Variants in WDR27 observed in about 807,000 individuals in gnomAD.
WDR27 encodes the protein WD repeat domain 27.
Under a neutral mutation model 114.4 loss-of-function variants are expected in WDR27, and 100 were observed. The ratio of observed to expected loss-of-function variants is 0.87; its 90% CI spans 0.74 to 1.03. WDR27 has a LOEUF of 1.03. Among genes scored for constraint, WDR27 ranks in the 50% least tolerant of loss-of-function variants. The pLI is 0.00. For missense variants in WDR27, 1,129 were observed against 1,092.9 expected (o/e 1.03, Z -0.47); for synonymous variants, 449 against 423.1 (o/e 1.06, Z -0.75).
At chr6:169,575,939 G>A (rs779779709) in intron 24 of WDR27, among the ~76,000 whole-genome samples, 6 of 152,156 alleles carry the variant, frequency 3.9e-5, no homozygotes, top group Non-Finnish European at 8.8e-5. Flanking sequence ...TCAAATAAAT[G>A]TTTTCCTGCA....
At chr6:169,579,224 T>G (rs1034188168) in intron 24 of WDR27, among the ~76,000 whole-genome samples, 3 of 152,210 alleles carry the variant, frequency 2.0e-5, no homozygotes, top group Non-Finnish European at 2.9e-5. Context: ...AAGTCATAGA[T>G]GAAAGGTCTG....
intron 21 of WDR27, among the ~76,000 whole-genome samples, chr6:169,618,202 AATC>A (rs533193899): frequency 6.6e-6 from 1 of 152,354 alleles, no homozygotes; most frequent in African/African-American, 2.4e-5. Context: ...TGAAATCTAG[AATC>A]ATATGTAATA....
chr6:169,693,281 A>C (rs1235791755), intron 1 of WDR27, among the ~76,000 whole-genome samples: 2 of 152,252 alleles, frequency 1.3e-5, no homozygotes, highest in East Asian at 3.8e-4. Context: ...CTTTTTAGAC[A>C]AATGCTGAGA....
chr6:169,444,669 GTTTT>G, the WDR27 span, among the ~76,000 whole-genome samples: 11 of 138,808 alleles, frequency 7.9e-5, no homozygotes, highest in African/African-American at 1.3e-4. Flanking sequence ...CTGTTTTTTT[GTTTT>G]TTTTTTTTTC....
In WDR27 at chr6:169,652,110, A is replaced by C. The variant is rs191003961; in HGVS notation, c.1403-102T>G. ...CTCTTCAAAACAGAAACATTCACAC[A>C]AACAGAATGAATTCCTGACCATAAA... On this transcript the variant is annotated intron_variant, in intron 13 of 25. Transcript: ENST00000448612. 1.0e-5 allele frequency: 10 copies of C among 981,874 alleles called. No homozygotes were observed. The Admixed American group carries it at 1.8e-4, about 18-fold the overall frequency. 60.8% of individuals were successfully genotyped at this position (981,874 alleles called of 1,614,324 possible).
intron 19 of WDR27, among the ~76,000 whole-genome samples, chr6:169,635,963 T>G (rs1010302278): frequency 2.0e-5 from 3 of 152,188 alleles, no homozygotes; most frequent in Admixed American, 6.6e-5. Context: ...AAAACAAAGA[T>G]AGTGAAATGT....
At chr6:169,445,178 T>C in the WDR27 span, among the ~76,000 whole-genome samples, 1 of 152,230 alleles carries the variant, frequency 6.6e-6, no homozygotes, top group Non-Finnish European at 1.5e-5. Flanking sequence ...ATAAGAATTG[T>C]CACACGTGCA....
At chr6:169,605,857 A>G (rs1809059350) in intron 22 of WDR27, among the ~76,000 whole-genome samples, 1 of 152,214 alleles carries the variant, frequency 6.6e-6, no homozygotes, top group African/African-American at 2.4e-5. Context: ...ACAATGGGGA[A>G]AGGACACCCT....
chr6:169,654,134 A>T (rs1823367850), intron 13 of WDR27, among the ~76,000 whole-genome samples: 1 of 152,168 alleles, frequency 6.6e-6, no homozygotes, highest in South Asian at 2.1e-4. Context: ...TTGATGCAAA[A>T]CTCCTCAATA....
intron 21 of WDR27, among the ~76,000 whole-genome samples, chr6:169,621,921 C>T (rs951841942): frequency 6.6e-5 from 10 of 152,166 alleles, no homozygotes; most frequent in African/African-American, 2.4e-4. Context: ...CATATACACA[C>T]TGTGAAAGGA....
At position 169,621,524 on chromosome 6, in the gene WDR27, A is replaced by G. The variant is rs544994548; in HGVS notation, c.2224-7868T>C. ...CCCACACATGCATTCACACATATAC[A>G]TACACACACACGCACGCATATACAT... On this transcript the variant is annotated intron_variant, in intron 21 of 25. Coordinates refer to ENST00000448612, the MANE Select transcript of WDR27 (RefSeq NM_182552.5). Among the ~76,000 whole-genome samples, 11 of 149,414 alleles carry G rather than the reference A, an allele frequency of 7.4e-5. No individual in the cohort carries two copies. In the South Asian group the frequency reaches 2.3e-3, roughly 31 times the overall value.
intron 25 of WDR27, among the ~76,000 whole-genome samples, chr6:169,531,889 C>T (rs755351739): frequency 2.6e-5 from 4 of 152,052 alleles, no homozygotes; most frequent in African/African-American, 9.7e-5. Context: ...CCTCGTGATC[C>T]GCCTGTCTCG....
chr6:169,536,002 C>G (rs1796156148), intron 25 of WDR27, among the ~76,000 whole-genome samples: 1 of 152,172 alleles, frequency 6.6e-6, no homozygotes, highest in Non-Finnish European at 1.5e-5. Flanking sequence ...TAACTACACA[C>G]AAGGCTGAGA....
chr6:169,449,506 G>C, the WDR27 span, among the ~76,000 whole-genome samples: 2 of 152,134 alleles, frequency 1.3e-5, no homozygotes, highest in Non-Finnish European at 2.9e-5. Context: ...TAGGCAAGCA[G>C]AGGGCCTTAG....
At chr6:169,694,360 T>A (rs886899655) in intron 1 of WDR27, among the ~76,000 whole-genome samples, 4 of 152,122 alleles carry the variant, frequency 2.6e-5, no homozygotes, top group Admixed American at 2.6e-4. Context: ...CACAGAAACA[T>A]TTCCACATAC....
intron 23 of WDR27, among the ~76,000 whole-genome samples, chr6:169,595,615 T>C (rs539806311): frequency 7.9e-5 from 12 of 152,318 alleles, no homozygotes; most frequent in Non-Finnish European, 1.3e-4. Context: ...TTTCTAGTTA[T>C]ATTCTCACAT....
intron 25 of WDR27, among the ~76,000 whole-genome samples, chr6:169,536,089 C>T (rs1362437715): frequency 6.6e-6 from 1 of 152,134 alleles, no homozygotes; most frequent in Non-Finnish European, 1.5e-5. Context: ...TTAAATTATC[C>T]TCTGTGCCAA....
intron 25 of WDR27, among the ~76,000 whole-genome samples, chr6:169,557,080 C>G (rs1799003095): frequency 6.6e-6 from 1 of 152,150 alleles, no homozygotes; most frequent in Admixed American, 6.5e-5. Context: ...TGTGTTCACA[C>G]AAACAGCTGT....
chr6:169,630,612 TTGG>T (rs1403003364), intron 21 of WDR27, among the ~76,000 whole-genome samples: 19 of 152,032 alleles, frequency 1.2e-4, no homozygotes, highest in Non-Finnish European at 2.5e-4. Context: ...ATAAGACAGG[TTGG>T]TCGGGCGCAG....
Sources: allele counts gnomAD v4.1 joint callset (sites outside exome capture counted in the v4.1 genomes callset), GRCh38; gene constraint gnomAD v4.1.1; transcripts MANE v1.5; gene names NCBI Gene and HGNC (gene_info 2026-07-23, HGNC 2026-07-21).